The following LFNG variants were observed in gnomAD, a reference collection of about 807,000 sequenced individuals.
LFNG encodes beta-1,3-N-acetylglucosaminyltransferase lunatic fringe.
Under a neutral mutation model 32.7 loss-of-function variants are expected in LFNG, and 15 were observed. The observed-to-expected ratio is 0.46, with a 90% CI of 0.31 to 0.71. The LOEUF (loss-of-function observed/expected upper bound fraction) is 0.71, where lower values mean the gene tolerates loss of function less well. Among genes scored for constraint, LFNG ranks in the 30% least tolerant of loss-of-function variants. The pLI is 0.06. For synonymous variants in LFNG, 274 were observed against 246.8 expected (o/e 1.11, Z -1.03); for missense variants, 520 against 545.7 (o/e 0.95, Z 0.47).
rs927478554 is a variant in LFNG, at chr7:2,527,418, C to T, written c.*206C>T. On this transcript the variant is annotated 3_prime_UTR_variant, in exon 8 of 8. Transcript: ENST00000222725. This position sits in a 1 kb window ranked among gnomAD's most constrained non-coding sequence, Gnocchi z 4.4. ...TGCTCTGTGGAGGGGCGGGCACCAG[C>T]GCCACTTATGTGCCTCTGCTCCGAG... The T allele has an allele frequency of 7.5e-6, 11 of 1,457,354 alleles. No individual in the cohort carries two copies. The highest frequency in any genetic ancestry group is 2.5e-4 in the Middle Eastern group (1 of 3,992). The allele number at this position is 1,457,354 out of a possible 1,614,324, so 90.3% of individuals were successfully genotyped here. A position where few individuals can be genotyped will look rare whatever the true frequency, so the allele number is the denominator to read the frequency against.
chr7:2,513,484 A>T (rs1779540131), upstream of LFNG, among the ~76,000 whole-genome samples: 1 of 152,184 alleles, frequency 6.6e-6, no homozygotes, highest in South Asian at 2.1e-4. Flanking sequence ...GAGGTACACA[A>T]GCCCAGGATC....
At chr7:2,522,005 C>T (rs555193507) in intron 1 of LFNG, among the ~76,000 whole-genome samples, 75 of 152,270 alleles carry the variant, frequency 4.9e-4, no homozygotes, top group Non-Finnish European at 1.0e-3. Flanking sequence ...ACACAGCAAG[C>T]AAAGACCCCC....
Position 2,528,046 on chromosome 7 carries a change from A to G in LFNG, c.*834A>G, listed in dbSNP as rs1444957327. The G allele has an allele frequency of 7.2e-6, 6 of 837,802 alleles. No individual in the cohort carries two copies. Among genetic ancestry groups the G allele is most frequent in the Non-Finnish European group, 8.3e-6 (6 of 725,230 alleles). The allele number at this position is 837,802 out of a possible 1,614,324, so 51.9% of individuals were successfully genotyped here. A position where few individuals can be genotyped will look rare whatever the true frequency, so the allele number is the denominator to read the frequency against. The stretch of plus-strand genomic sequence containing the variant: ...TTTTGAAAGGGGATGGGTAAAAAGT[A>G]GGGTGTTCTTGTTTTTTGCTTGGGA... On this transcript the variant is annotated 3_prime_UTR_variant, in exon 8 of 8. Transcript: ENST00000222725.
upstream of LFNG, among the ~76,000 whole-genome samples, chr7:2,514,767 TGTCCATTC>T (rs1299714789): frequency 1.9e-4 from 28 of 146,900 alleles, no homozygotes; most frequent in Non-Finnish European, 2.4e-4. Context: ...TGCATCCATC[TGTCCATTC>T]ATCCATGCAT....
At chr7:2,525,917 GGTTTCAGAGGGCAGCTGT>G in intron 5 of LFNG, 147 bp downstream of exon 5, 2 of 791,100 alleles carry the variant, frequency 2.5e-6, no homozygotes, top group Non-Finnish European at 4.1e-6. Flanking sequence ...CTTCCCTCTG[GGTTTCAGAGGGCAGCTGT>G]GTTTACGGCG....
rs1012892369 is a variant in LFNG, at chr7:2,527,482, G to A, written c.*270G>A. The A allele has an allele frequency of 2.1e-6, 3 of 1,395,844 alleles. No homozygotes were observed. The highest frequency in any genetic ancestry group is 2.8e-6 in the Non-Finnish European group (3 of 1,073,594). 86.5% of individuals were successfully genotyped at this position (1,395,844 alleles called of 1,614,324 possible). On this transcript the variant is annotated 3_prime_UTR_variant, in exon 8 of 8. Transcript: ENST00000222725. This position sits in a 1 kb window ranked among gnomAD's most constrained non-coding sequence, Gnocchi z 4.4. ...CAGGGCCTGCTTGGAGGAAGGATTT[G>A]TGTGTCGGAGGCCACTCCGAGGGCA...
In LFNG at chr7:2,526,141, C is replaced by T; in HGVS notation, c.822-103C>T. On this transcript the variant is annotated intron_variant, in intron 5 of 7. Coordinates refer to ENST00000222725, the MANE Select transcript of LFNG (RefSeq NM_001040167.2). The surrounding 1 kb of genome is among the most constrained non-coding windows in gnomAD (Gnocchi z 6.9). ...GCAGCCCAGAGCTCTCCTCAGGGCT[C>T]CTCTCCCTGAGGAGTGCAGCGCCTT... 2 of 1,263,344 alleles carry T rather than the reference C, an allele frequency of 1.6e-6. No individual in the cohort carries two copies. Among genetic ancestry groups the T allele is most frequent in the Admixed American group, 1.9e-5 (1 of 53,510 alleles). 78.3% of individuals were successfully genotyped at this position (1,263,344 alleles called of 1,614,324 possible).
rs1367050886 is a variant in LFNG, at chr7:2,519,895, G to A, written c.34G>A (p.Ala12Thr). ...GCGCTGCGGCCGGCGCCTGCTGCTG[G>A]CGCTGGCGGGCGCGCTGCTCGCCTG... ...LKRCGRRLLL[A>T]LAGALLACLL... The change falls in exon 1 of 8, where the codon GCG (alanine) becomes ACG (threonine). Residue 12 changes from alanine (A) to threonine (T), a missense_variant. By Grantham distance (58) the Ala-to-Thr change is moderately conservative (BLOSUM62 0). Around this residue, in one of 3 missense-constraint regions of LFNG, gnomAD observed 360 missense variants for 354.7 expected, o/e 1.01. Transcript: ENST00000222725. 1.8e-6 allele frequency: 2 copies of A among 1,101,466 alleles called. No individual in the cohort carries two copies. Among genetic ancestry groups the A allele is most frequent in the Non-Finnish European group, 2.2e-6 (2 of 900,094 alleles). The allele number at this position is 1,101,466 out of a possible 1,614,324, so 68.2% of individuals were successfully genotyped here. A position where few individuals can be genotyped will look rare whatever the true frequency, so the allele number is the denominator to read the frequency against.
At position 2,526,449 on chromosome 7, in the gene LFNG, C is replaced by T. The variant is rs766161818; in HGVS notation, c.987+40C>T. On this transcript the variant is annotated intron_variant, in intron 6 of 7. Transcript: ENST00000222725. The surrounding 1 kb of genome is among the most constrained non-coding windows in gnomAD (Gnocchi z 6.9). ...GGGCCCCGCCAGGACTCCGAGAGCA[C>T]AGGAAGGGACGTGTGGCTGCCGAGA... 6 of 1,598,494 alleles carry T rather than the reference C, an allele frequency of 3.8e-6. 1 individual carries two copies. In the African/African-American group the frequency reaches 5.3e-5, roughly 14 times the overall value.
upstream of LFNG, among the ~76,000 whole-genome samples, chr7:2,515,884 T>C (rs1437922158): frequency 6.6e-6 from 1 of 152,216 alleles, no homozygotes; most frequent in East Asian, 1.9e-4. Context: ...GTAATGGGAA[T>C]CAGCTGTGCC....
At position 2,526,457 on chromosome 7, in the gene LFNG, G is replaced by T. The variant is rs753679545; in HGVS notation, c.987+48G>T. ...CCAGGACTCCGAGAGCACAGGAAGG[G>T]ACGTGTGGCTGCCGAGAGGGGCGCA... On this transcript the variant is annotated intron_variant, in intron 6 of 7. Coordinates refer to ENST00000222725, the MANE Select transcript of LFNG (RefSeq NM_001040167.2). The surrounding 1 kb of genome is among the most constrained non-coding windows in gnomAD (Gnocchi z 6.9). The T allele has an allele frequency of 1.3e-6, 2 of 1,595,136 alleles. No homozygotes were observed. The highest frequency in any genetic ancestry group is 2.7e-5 in the African/African-American group (2 of 74,750).
chr7:2,522,723 A>G (rs904958123), intron 1 of LFNG, among the ~76,000 whole-genome samples: 2 of 152,236 alleles, frequency 1.3e-5, no homozygotes, highest in Non-Finnish European at 2.9e-5. Context: ...GTATGACCTC[A>G]GGCTGGTGCC....
In LFNG at chr7:2,526,752, C is replaced by T; in HGVS notation, c.988-84C>T. On this transcript the variant is annotated intron_variant, in intron 6 of 7. Transcript: ENST00000222725. This position sits in a 1 kb window ranked among gnomAD's most constrained non-coding sequence, Gnocchi z 6.9. ...AGGGAGGCCAGGGCAGGGCCGTTGCCTCACTCAGGGCTGTGTGGCCAGCCT... is the reference window on the plus strand; with the variant it reads ...AGGGAGGCCAGGGCAGGGCCGTTGCTTCACTCAGGGCTGTGTGGCCAGCCT... The T allele has an allele frequency of 7.6e-7, 1 of 1,323,386 alleles. No individual in the cohort carries two copies. Among genetic ancestry groups the T allele is most frequent in the South Asian group, 1.2e-5 (1 of 83,564 alleles). 82.0% of individuals were successfully genotyped at this position (1,323,386 alleles called of 1,614,324 possible). A position where few individuals can be genotyped will look rare whatever the true frequency, so the allele number is the denominator to read the frequency against.
At position 2,526,222 on chromosome 7, in the gene LFNG, T is replaced by C; in HGVS notation, c.822-22T>C. The C allele has an allele frequency of 6.2e-7, 1 of 1,612,108 alleles. No homozygotes were observed. Among genetic ancestry groups the C allele is most frequent in the East Asian group, 2.2e-5 (1 of 44,868 alleles). On this transcript the variant is annotated intron_variant, in intron 5 of 7. Transcript: ENST00000222725. This position sits in a 1 kb window ranked among gnomAD's most constrained non-coding sequence, Gnocchi z 6.9. ...GATGGCTCCCGCCTCTGCTCACTGG[T>C]CTGGGCCCTTCCCTCCCGCAGCGGG...
chr7:2,517,713 A>G (rs1779662838), upstream of LFNG: 1 of 486,296 alleles, frequency 2.1e-6, no homozygotes. Flanking sequence ...GTCCAGGTAC[A>G]GAGCACAACC....
At chr7:2,522,649 A>C (rs919441328) in intron 1 of LFNG, among the ~76,000 whole-genome samples, 12 of 150,428 alleles carry the variant, frequency 8.0e-5, no homozygotes, top group Non-Finnish European at 1.2e-4. Context: ...GTTAGGTGGC[A>C]CTGGGGGGTC....
At chr7:2,516,424 T>C (rs1338925116), upstream of LFNG, among the ~76,000 whole-genome samples, 1 of 152,134 alleles carries the variant, frequency 6.6e-6, no homozygotes, top group Non-Finnish European at 1.5e-5. Context: ...GATGGCCACC[T>C]CAAAGCCAGC....
At chr7:2,524,978 G>T (rs536510052) in intron 2 of LFNG, among the ~76,000 whole-genome samples, 2 of 152,246 alleles carry the variant, frequency 1.3e-5, no homozygotes, top group Non-Finnish European at 2.9e-5. Context: ...GCGGCAACAG[G>T]TGGCGGGTGC....
At chr7:2,521,936 C>T (rs1779804098) in intron 1 of LFNG, among the ~76,000 whole-genome samples, 1 of 152,208 alleles carries the variant, frequency 6.6e-6, no homozygotes, top group Non-Finnish European at 1.5e-5. Context: ...GAGGTCCCTA[C>T]TGGAGGGTCA....
Sources: gnomAD v4.1 joint callset for allele counts (sites outside exome capture counted in the v4.1 genomes callset) on GRCh38, gnomAD v4.1.1 for gene constraint, gnomAD v4.1.1 regional missense constraint, Gnocchi (gnomAD v3.1) non-coding constraint, MANE v1.5 for transcripts, NCBI Gene and HGNC (gene_info 2026-07-23, HGNC 2026-07-21) for gene names.